The following DLG2 variants were observed in gnomAD, a reference collection of about 807,000 sequenced individuals.
DLG2 encodes disks large homolog 2.
Under a neutral mutation model 132.5 loss-of-function variants are expected in DLG2, and 45 were observed. The ratio of observed to expected loss-of-function variants is 0.34; its 90% CI spans 0.27 to 0.44. The LOEUF is 0.44. Among genes scored for constraint, DLG2 ranks in the 20% least tolerant of loss-of-function variants. DLG2 has a pLI of 1.00. For synonymous variants in DLG2, 424 were observed against 419.6 expected (o/e 1.01, Z -0.13); for missense variants, 1,045 against 1,196.9 (o/e 0.87, Z 1.87).
intron 14 of DLG2, among the ~76,000 whole-genome samples, chr11:83,955,447 T>C (rs551694924): frequency 2.0e-5 from 3 of 152,288 alleles, no homozygotes; most frequent in Admixed American, 2.0e-4. Flanking sequence ...CCTAGGCAGA[T>C]AGGGGTGGGT....
chr11:85,263,675 C>A (rs2152720841), intron 4 of DLG2, among the ~76,000 whole-genome samples: 1 of 152,300 alleles, frequency 6.6e-6, no homozygotes, highest in Non-Finnish European at 1.5e-5. Context: ...AGACGTCTTT[C>A]CCCTGTGACC....
intron 3 of DLG2, among the ~76,000 whole-genome samples, chr11:85,304,979 C>G (rs1220008145): frequency 6.6e-6 from 1 of 152,164 alleles, no homozygotes; most frequent in Non-Finnish European, 1.5e-5. Flanking sequence ...CAGGTACATT[C>G]AACTCTATAT....
chr11:85,287,485 T>C (rs1261845694), intron 3 of DLG2, among the ~76,000 whole-genome samples: 1 of 152,072 alleles, frequency 6.6e-6, no homozygotes, highest in African/African-American at 2.4e-5. Context: ...ACATCAAAAA[T>C]ATTGTCAAAA....
At chr11:84,715,726 T>C (rs919539509) in intron 6 of DLG2, among the ~76,000 whole-genome samples, 1 of 152,146 alleles carries the variant, frequency 6.6e-6, no homozygotes, top group Non-Finnish European at 1.5e-5. Flanking sequence ...TTGGATAATA[T>C]TCTAATTTAT....
chr11:83,944,930 A>G (rs2083456005), intron 14 of DLG2, among the ~76,000 whole-genome samples: 1 of 152,196 alleles, frequency 6.6e-6, no homozygotes. Flanking sequence ...ATTCTATAAA[A>G]TCTATGTGAT....
At chr11:83,948,614 G>GAA (rs3040355) in intron 14 of DLG2, among the ~76,000 whole-genome samples, 50 of 148,246 alleles carry the variant, frequency 3.4e-4, no homozygotes, top group African/African-American at 1.1e-3. Context: ...TGTAGTACTG[G>GAA]AAAAAAAAAA....
intron 6 of DLG2, among the ~76,000 whole-genome samples, chr11:84,898,985 AT>A (rs2090549357): frequency 6.6e-6 from 1 of 152,044 alleles, no homozygotes; most frequent in South Asian, 2.1e-4. Context: ...AATTTTATTC[AT>A]TTTTGTATTC....
intron 3 of DLG2, among the ~76,000 whole-genome samples, chr11:85,580,838 A>G (rs1291514233): frequency 6.6e-6 from 1 of 152,230 alleles, no homozygotes; most frequent in Admixed American, 6.5e-5. Flanking sequence ...AAATAGAGGA[A>G]GAATGATATT....
chr11:84,543,147 A>C (rs543243962), intron 6 of DLG2, among the ~76,000 whole-genome samples: 1 of 152,316 alleles, frequency 6.6e-6, no homozygotes, highest in South Asian at 2.1e-4. Flanking sequence ...TCATTTCTTT[A>C]ATTTGAAATG....
At chr11:85,350,707 T>C (rs1246490692) in intron 3 of DLG2, among the ~76,000 whole-genome samples, 6 of 152,198 alleles carry the variant, frequency 3.9e-5, no homozygotes, top group African/African-American at 1.2e-4. Flanking sequence ...TTGTCAAAGA[T>C]CAGATGGTTG....
chr11:84,970,744 C>T (rs770241999), intron 6 of DLG2, among the ~76,000 whole-genome samples: 4 of 152,190 alleles, frequency 2.6e-5, no homozygotes, highest in Non-Finnish European at 4.4e-5. Context: ...CACCTAATGG[C>T]TTCCACCAAA....
At chr11:84,727,650 T>C (rs1445283138) in intron 6 of DLG2, among the ~76,000 whole-genome samples, 1 of 152,154 alleles carries the variant, frequency 6.6e-6, no homozygotes, top group African/African-American at 2.4e-5. Context: ...CAGTGGTAGG[T>C]TGATGGAGAT....
intron 19 of DLG2, among the ~76,000 whole-genome samples, chr11:83,563,989 T>C (rs1038521488): frequency 1.3e-5 from 2 of 152,232 alleles, no homozygotes; most frequent in African/African-American, 4.8e-5. Context: ...TTTGATTTAT[T>C]TTTTATCAAA....
intron 6 of DLG2, among the ~76,000 whole-genome samples, chr11:85,026,535 T>A (rs903817556): frequency 6.6e-6 from 1 of 152,168 alleles, no homozygotes; most frequent in Non-Finnish European, 1.5e-5. Context: ...ATTTTAATAT[T>A]TAAAATAAGC....
chr11:84,554,313 C>T (rs1053757671), intron 6 of DLG2, among the ~76,000 whole-genome samples: 2 of 152,174 alleles, frequency 1.3e-5, no homozygotes, highest in African/African-American at 2.4e-5. Flanking sequence ...ATAGGACTTG[C>T]TCAATCTTGA....
chr11:83,908,312 T>C (rs1476938632), intron 15 of DLG2, among the ~76,000 whole-genome samples: 7 of 152,264 alleles, frequency 4.6e-5, no homozygotes, highest in African/African-American at 1.7e-4. Context: ...ACCTTCTTTT[T>C]TTTTTCAGCC....
At chr11:84,109,024 A>C (rs1304060578) in intron 9 of DLG2, among the ~76,000 whole-genome samples, 1 of 152,140 alleles carries the variant, frequency 6.6e-6, no homozygotes, top group Non-Finnish European at 1.5e-5. Context: ...GCAGTTTGGG[A>C]GATGTAAATC....
intron 21 of DLG2, among the ~76,000 whole-genome samples, chr11:83,489,516 C>CCAT (rs1454705250): frequency 6.6e-6 from 1 of 151,770 alleles, no homozygotes; most frequent in African/African-American, 2.4e-5. Flanking sequence ...ACAACCAAAC[C>CCAT]CATCTGTGAT....
At position 84,121,924 on chromosome 11, in the gene DLG2, GAGAGAT is replaced by G. The variant is rs1287350495; in HGVS notation, c.625-22883_625-22878del. 1.5e-4 allele frequency among the ~76,000 whole-genome samples: 23 copies of G among 152,134 alleles called. No homozygotes were observed. The East Asian group carries it at 3.3e-3, about 22-fold the overall frequency. On this transcript the variant is annotated intron_variant, in intron 9 of 27. Transcript: ENST00000376104. Reference sequence around the variant, plus strand: ...TCAAATTTTATATTTGAATAATGCTGAGAGATAGAGATAGAGTAGGACTTATCAGCC... The same window carrying G: ...TCAAATTTTATATTTGAATAATGCTGAGAGATAGAGTAGGACTTATCAGCC...
Sources: allele counts gnomAD v4.1 joint callset (sites outside exome capture counted in the v4.1 genomes callset), GRCh38; gene constraint gnomAD v4.1.1; transcripts MANE v1.5; gene names NCBI Gene and HGNC (gene_info 2026-07-23, HGNC 2026-07-21).